The following BNC2 variants were observed in gnomAD, a reference collection of about 807,000 sequenced individuals.
BNC2 encodes zinc finger protein basonuclin-2.
A neutral mutation model predicts 76.3 loss-of-function variants in BNC2; 20 were observed. The observed-to-expected ratio is 0.26, with a 90% CI of 0.18 to 0.38. BNC2 has a LOEUF of 0.38. Ranked by LOEUF, BNC2 falls within the 10% of genes least tolerant of loss-of-function variation. The pLI is 1.00. For missense variants in BNC2, 1,382 were observed against 1,399.8 expected, an observed-to-expected ratio of 0.99 and a Z score of 0.20; for synonymous variants, 582 against 514.8, an observed-to-expected ratio of 1.13 and a Z score of -1.77.
At chr9:16,546,031 T>C (rs1344897593) in intron 5 of BNC2, among the ~76,000 whole-genome samples, 1 of 152,212 alleles carries the variant, frequency 6.6e-6, no homozygotes, top group Non-Finnish European at 1.5e-5. Context: ...ATCTTATTGA[T>C]ACTAACGCCT....
chr9:16,677,418 C>T (rs1187246041), intron 3 of BNC2, among the ~76,000 whole-genome samples: 1 of 152,042 alleles, frequency 6.6e-6, no homozygotes, highest in Non-Finnish European at 1.5e-5. Flanking sequence ...ACTAAACATA[C>T]AAAAATTAAC....
intron 1 of BNC2, among the ~76,000 whole-genome samples, chr9:16,832,545 G>C (rs940039654): frequency 6.6e-6 from 1 of 152,072 alleles, no homozygotes; most frequent in Non-Finnish European, 1.5e-5. Flanking sequence ...CAACGAATCC[G>C]AACCCAAGTT....
intron 1 of BNC2, among the ~76,000 whole-genome samples, chr9:16,849,629 G>A (rs543399954): frequency 6.6e-6 from 1 of 152,052 alleles, no homozygotes; most frequent in African/African-American, 2.4e-5. Context: ...AAAGTGCTGG[G>A]ACTATAGGCG....
chr9:16,616,790 G>GGAAGGAAGGAA (rs1820712519), intron 3 of BNC2, among the ~76,000 whole-genome samples: 2 of 10,338 alleles, frequency 1.9e-4, no homozygotes, highest in African/African-American at 1.5e-4. Flanking sequence ...GGAGGAAGGA[G>GGAAGGAAGGAA]GGAAGGAAGG....
chr9:16,510,200 C>G (rs1242365648), intron 5 of BNC2, among the ~76,000 whole-genome samples: 1 of 152,220 alleles, frequency 6.6e-6, no homozygotes, highest in Non-Finnish European at 1.5e-5. Flanking sequence ...GCCCACTGTT[C>G]TTTTTCCACA....
chr9:16,858,402 G>C (rs1034479580), intron 1 of BNC2, among the ~76,000 whole-genome samples: 5 of 152,170 alleles, frequency 3.3e-5, no homozygotes, highest in African/African-American at 1.2e-4. Context: ...TTGTCCCCTG[G>C]AGTACTACCA....
intron 3 of BNC2, among the ~76,000 whole-genome samples, chr9:16,669,095 T>G (rs1186504215): frequency 6.6e-6 from 1 of 152,210 alleles, no homozygotes; most frequent in Non-Finnish European, 1.5e-5. Context: ...TGAGGAAGAC[T>G]TACTGTAAAT....
At chr9:16,430,664 A>G (rs1159792479) in intron 6 of BNC2, among the ~76,000 whole-genome samples, 1 of 152,218 alleles carries the variant, frequency 6.6e-6, no homozygotes, top group Non-Finnish European at 1.5e-5. Context: ...ACACCTGTAC[A>G]GGGCTGGAAG....
At chr9:16,758,673 A>G (rs1256988715) in intron 1 of BNC2, among the ~76,000 whole-genome samples, 1 of 152,156 alleles carries the variant, frequency 6.6e-6, no homozygotes, top group African/African-American at 2.4e-5. Context: ...CAAGTTCTTA[A>G]AAGTTGGTCA....
At chr9:16,776,042 T>C (rs905830125) in intron 1 of BNC2, among the ~76,000 whole-genome samples, 3 of 152,214 alleles carry the variant, frequency 2.0e-5, no homozygotes, top group African/African-American at 7.2e-5. Flanking sequence ...CAGGCACTTC[T>C]ACGCTGACTT....
At chr9:16,557,827 G>T (rs921906619) in intron 4 of BNC2, among the ~76,000 whole-genome samples, 3 of 151,072 alleles carry the variant, frequency 2.0e-5, no homozygotes, top group Non-Finnish European at 4.4e-5. Flanking sequence ...CTCAACACCA[G>T]TATTTCTTTC....
intron 1 of BNC2, among the ~76,000 whole-genome samples, chr9:16,808,925 A>G (rs1471016472): frequency 1.3e-5 from 2 of 152,016 alleles, no homozygotes; most frequent in South Asian, 4.2e-4. Flanking sequence ...CAGAGGTACT[A>G]ATGTACTTGG....
At chr9:16,836,355 C>G (rs577224860) in intron 1 of BNC2, among the ~76,000 whole-genome samples, 2 of 151,712 alleles carry the variant, frequency 1.3e-5, no homozygotes, top group African/African-American at 4.8e-5. Flanking sequence ...TGGAGTCAAA[C>G]GAATGCATAT....
intron 5 of BNC2, among the ~76,000 whole-genome samples, chr9:16,512,953 T>G (rs1484161746): frequency 6.6e-6 from 1 of 152,076 alleles, no homozygotes; most frequent in Non-Finnish European, 1.5e-5. Flanking sequence ...CTGGCCAACA[T>G]GGTGAAACCC....
At chr9:16,421,479 C>T (rs186837344) in intron 6 of BNC2, among the ~76,000 whole-genome samples, 1 of 152,310 alleles carries the variant, frequency 6.6e-6, no homozygotes, top group African/African-American at 2.4e-5. Flanking sequence ...ATCCCATACG[C>T]TGTCTTGATG....
chr9:16,811,237 A>AAAAAAAAAAAAAAAAAAACC (rs796981394), intron 1 of BNC2, among the ~76,000 whole-genome samples: 17 of 145,246 alleles, frequency 1.2e-4, no homozygotes, highest in African/African-American at 4.0e-4. Flanking sequence ...GACCAAAAAA[A>AAAAAAAAAAAAAAAAAAACC]AAAAAAACCA....
At chr9:16,701,391 A>G (rs760185544) in intron 3 of BNC2, among the ~76,000 whole-genome samples, 2 of 152,250 alleles carry the variant, frequency 1.3e-5, no homozygotes, top group Non-Finnish European at 2.9e-5. Context: ...CTTCATCTGT[A>G]AAATGAAAAT....
At chr9:16,818,353 G>C (rs961220478) in intron 1 of BNC2, among the ~76,000 whole-genome samples, 2 of 152,090 alleles carry the variant, frequency 1.3e-5, no homozygotes, top group Non-Finnish European at 2.9e-5. Flanking sequence ...GTAGTGAGCC[G>C]ACATGGCGCC....
intron 3 of BNC2, among the ~76,000 whole-genome samples, chr9:16,627,441 T>C (rs901881202): frequency 6.6e-6 from 1 of 152,104 alleles, no homozygotes; most frequent in African/African-American, 2.4e-5. Flanking sequence ...AGTTGTAAAA[T>C]ATTCACAAGC....
Sources: gnomAD v4.1 joint callset for allele counts (sites outside exome capture counted in the v4.1 genomes callset) on GRCh38, gnomAD v4.1.1 for gene constraint, MANE v1.5 for transcripts, NCBI Gene and HGNC (gene_info 2026-07-23, HGNC 2026-07-21) for gene names.